STAMBPL1: variants seen among roughly 807,000 people sequenced by gnomAD.
STAMBPL1 encodes the protein STAM binding protein like 1.
In STAMBPL1, 44 loss-of-function variants were observed where a neutral mutation model predicts 52.9. The ratio of observed to expected loss-of-function variants is 0.83; its 90% confidence interval spans 0.65 to 1.07. The LOEUF (loss-of-function observed/expected upper bound fraction) is 1.07, where lower values mean the gene tolerates loss of function less well. Ranked by LOEUF, STAMBPL1 falls within the 50% of genes least tolerant of loss-of-function variation. The pLI is 0.00. For synonymous variants in STAMBPL1, 164 were observed against 177.3 expected (o/e 0.92, Z 0.60); for missense variants, 511 against 520.8 (o/e 0.98, Z 0.18).
intron 1 of STAMBPL1, among the ~76,000 whole-genome samples, chr10:88,888,829 G>T (rs1194642763): frequency 1.3e-5 from 2 of 152,146 alleles, no homozygotes; most frequent in African/African-American, 2.4e-5. Context: ...TTATAAAAAA[G>T]TATAATTTGT....
chr10:88,881,441 A>G (rs902827216), intron 1 of STAMBPL1, among the ~76,000 whole-genome samples: 1 of 152,088 alleles, frequency 6.6e-6, no homozygotes, highest in African/African-American at 2.4e-5. Flanking sequence ...CCTGGAAATC[A>G]GTGTTCGGTA....
At chr10:88,911,127 G>A in intron 5 of STAMBPL1, 116 bp downstream of exon 5, 1 of 651,210 alleles carries the variant, frequency 1.5e-6, no homozygotes. Flanking sequence ...AAAAATTAAA[G>A]ATGCAGTGAT....
rs114663871 is a variant in STAMBPL1 at position 88,912,111 on chromosome 10, C to G, written c.421-990C>G. 7.7e-3 allele frequency among the ~76,000 whole-genome samples: 1,172 copies of G among 152,280 alleles called. 22 individuals carry two copies. The highest frequency in any genetic ancestry group is 0.027 in the African/African-American group (1,105 of 41,560). The stretch of plus-strand genomic sequence containing the variant: ...CAGGACTGAGCCTAGGAGAGATAAA[C>G]AGCAATGCCTGTGAGCCCTTGCTTC... On this transcript the variant is annotated intron_variant, in intron 5 of 10. Transcript: ENST00000371926.
intron 1 of STAMBPL1, among the ~76,000 whole-genome samples, chr10:88,889,004 C>A (rs549280694): frequency 6.6e-6 from 1 of 152,260 alleles, no homozygotes; most frequent in East Asian, 1.9e-4. Context: ...TTAATGAATA[C>A]ATTTGTATTC....
In STAMBPL1 at chr10:88,922,224, G is replaced by A; in HGVS notation, c.1155-113G>A. The A allele has an allele frequency of 5.1e-6, 5 of 978,964 alleles. No homozygotes were observed. The South Asian group carries it at 7.5e-5, about 15-fold the overall frequency. The allele number at this position is 978,964 out of a possible 1,614,324, so 60.6% of individuals were successfully genotyped here. A position where few individuals can be genotyped will look rare whatever the true frequency, so the allele number is the denominator to read the frequency against. On this transcript the variant is annotated intron_variant, in intron 9 of 10. Coordinates refer to ENST00000371926, the MANE Select transcript of STAMBPL1 (RefSeq NM_020799.4). ...AAAATCACTATGGAATTCCTAGTTTGTGATTTCTCAATCCCATCTGAGGAA... is the reference window on the plus strand; with the variant it reads ...AAAATCACTATGGAATTCCTAGTTTATGATTTCTCAATCCCATCTGAGGAA...
In STAMBPL1 at chr10:88,916,704, C is replaced by A. The variant is rs767542656; in HGVS notation, c.928C>A (p.His310Asn). ...KLTHNEFTIT[H>N]VIVPKQSAGP... ...GACACATAATGAATTTACTATTACCCATGTAATTGTGCCAAAGCAGTCTGC... is the reference window on the plus strand; with the variant it reads ...GACACATAATGAATTTACTATTACCAATGTAATTGTGCCAAAGCAGTCTGC... The change falls in exon 8 of 11, where the codon CAT (histidine) becomes AAT (asparagine). Residue 310 changes from histidine to asparagine, a missense_variant. His to Asn is a moderately conservative substitution (Grantham distance 68, BLOSUM62 1). Transcript: ENST00000371926. 1.9e-6 allele frequency: 3 copies of A among 1,605,182 alleles called. No homozygotes were observed. The South Asian group carries it at 3.4e-5, about 18-fold the overall frequency.
chr10:88,912,896 G>C (rs1373205170), intron 5 of STAMBPL1: 2 of 534,916 alleles, frequency 3.7e-6, no homozygotes, highest in Non-Finnish European at 6.6e-6. Context: ...TAAAATATCA[G>C]TGGATTTAGA....
At chr10:88,887,004 G>A (rs561293978) in intron 1 of STAMBPL1, among the ~76,000 whole-genome samples, 10 of 152,054 alleles carry the variant, frequency 6.6e-5, no homozygotes, top group Non-Finnish European at 1.3e-4. Flanking sequence ...CTCATGCTTC[G>A]GTCTTCTGGT....
At chr10:88,902,383 G>A (rs971242456) in intron 2 of STAMBPL1, among the ~76,000 whole-genome samples, 6 of 152,068 alleles carry the variant, frequency 3.9e-5, no homozygotes, top group African/African-American at 9.7e-5. Flanking sequence ...AGGATGGTAC[G>A]ATAAATGGAA....
At chr10:88,908,843 C>T in intron 4 of STAMBPL1, 66 bp downstream of exon 4, 2 of 1,241,732 alleles carry the variant, frequency 1.6e-6, no homozygotes, top group Non-Finnish European at 2.2e-6. Context: ...TTGATTCACC[C>T]TTCCCCTTCC....
chr10:88,901,733 T>C lies in STAMBPL1; in HGVS notation c.25T>C (p.Ser9Pro), dbSNP rs372477377. The change falls in exon 2 of 11, where the codon TCT becomes CCT. Residue 9 changes from serine to proline, a missense_variant. Around this residue, in one of 3 missense-constraint regions of STAMBPL1, gnomAD observed 358 missense variants for 343.5 expected, o/e 1.04. Transcript: ENST00000371926. The stretch of plus-strand genomic sequence containing the variant: ...CATGGATCAGCCTTTTACTGTGAAT[T>C]CTCTGGTAGGTCACACCAGCTGATA... Reference protein sequence around the residue: MDQPFTVNSLKKLAAMPDH... With the variant: MDQPFTVNPLKKLAAMPDH... 33 of 1,612,544 alleles carry C rather than the reference T, an allele frequency of 2.0e-5. No homozygotes were observed. Among genetic ancestry groups the C allele is most frequent in the Non-Finnish European group, 2.6e-5 (31 of 1,179,428 alleles).
intron 8 of STAMBPL1, among the ~76,000 whole-genome samples, chr10:88,920,929 T>C (rs1373002507): frequency 6.6e-6 from 1 of 152,168 alleles, no homozygotes; most frequent in African/African-American, 2.4e-5. Flanking sequence ...TCCCTTAGTT[T>C]TGGGATCCTT....
intron 1 of STAMBPL1, among the ~76,000 whole-genome samples, chr10:88,890,897 G>C (rs1371757268): frequency 6.6e-6 from 1 of 152,086 alleles, no homozygotes; most frequent in Non-Finnish European, 1.5e-5. Context: ...TTCCTCTCTG[G>C]GCTACCAATT....
At chr10:88,899,483 C>A (rs1844890927) in intron 1 of STAMBPL1, among the ~76,000 whole-genome samples, 1 of 152,118 alleles carries the variant, frequency 6.6e-6, no homozygotes, top group Non-Finnish European at 1.5e-5. Context: ...TGGATCTGAG[C>A]AATCATCAAA....
intron 1 of STAMBPL1, among the ~76,000 whole-genome samples, chr10:88,886,314 C>T (rs564164237): frequency 1.3e-5 from 2 of 152,308 alleles, no homozygotes; most frequent in East Asian, 3.9e-4. Context: ...TGGTACCCAG[C>T]ATGCAAGTAT....
chr10:88,918,203 C>T (rs1328102686), intron 8 of STAMBPL1, among the ~76,000 whole-genome samples: 1 of 152,024 alleles, frequency 6.6e-6, no homozygotes, highest in African/African-American at 2.4e-5. Flanking sequence ...TGGGGACCTC[C>T]AAGTGCCCTT....
intron 10 of STAMBPL1, 134 bp downstream of exon 10, chr10:88,922,570 A>T: frequency 1.4e-6 from 1 of 705,022 alleles, no homozygotes. Flanking sequence ...TATCTCAGAA[A>T]ATTAATCTAT....
intron 7 of STAMBPL1, among the ~76,000 whole-genome samples, chr10:88,915,524 A>C (rs767746713): frequency 1.1e-4 from 17 of 152,194 alleles, no homozygotes; most frequent in Non-Finnish European, 4.4e-5. Flanking sequence ...TGTGCTATTG[A>C]AGCATTCACC....
In STAMBPL1 at chr10:88,889,836, T is replaced by A. The variant is rs7075171; in HGVS notation, c.-54+9198T>A. Among the ~76,000 whole-genome samples, 274 of 152,352 alleles carry A rather than the reference T, an allele frequency of 1.8e-3. 1 individual carries two copies. Among genetic ancestry groups the A allele is most frequent in the African/African-American group, 6.3e-3 (262 of 41,578 alleles). On this transcript the variant is annotated intron_variant, in intron 1 of 10. Transcript: ENST00000371926. ...CGAAGTCCTTCTGGGCAAGGATCCT[T>A]TCTGGGATCATACATTGAATTCATT...
Sources: allele counts gnomAD v4.1 joint callset (sites outside exome capture counted in the v4.1 genomes callset), GRCh38; gene constraint gnomAD v4.1.1; regional missense constraint gnomAD v4.1.1; transcripts MANE v1.5; gene names NCBI Gene and HGNC (gene_info 2026-07-23, HGNC 2026-07-21).